Variants in TMEM234 observed in about 807,000 individuals in gnomAD.
The protein encoded by TMEM234 is chromosome 1 open reading frame 91.
Under a neutral mutation model 17.8 loss-of-function variants are expected in TMEM234, and 21 were observed. The observed-to-expected ratio is 1.18, with a 90% CI of 0.84 to 1.70. The LOEUF (loss-of-function observed/expected upper bound fraction) is 1.70. Among genes scored for constraint, TMEM234 ranks in the 40% most tolerant of loss-of-function variants. TMEM234 has a pLI of 0.00. For synonymous variants in TMEM234, 83 were observed against 73.5 expected (o/e 1.13, Z -0.66); for missense variants, 137 against 166.9 (o/e 0.82, Z 0.99).
At position 32,221,932 on chromosome 1, in the gene TMEM234, C is replaced by T; in HGVS notation, c.103G>A (p.Val35Ile). The T allele has an allele frequency of 6.2e-7, 1 of 1,612,242 alleles. No homozygotes were observed. The highest frequency in any genetic ancestry group is 8.5e-7 in the Non-Finnish European group (1 of 1,179,990). The part of the protein sequence containing the change: ...LKRASAGLQR[V>I]HEPTWAQQLL... ...TGCTGGGCCCAGGTCGGCTCATGAA[C>T]CCGCTGCAGGCCGGCGGAGGCCCGC... Residue 35 changes from valine (V) to isoleucine (I), a missense_variant, in exon 2 of 5, where the codon GTT becomes ATT. Val to Ile is a conservative substitution (Grantham distance 29). Transcript: ENST00000309777.
At position 32,220,991 on chromosome 1, in the gene TMEM234, G is replaced by C. The variant is rs1638848214; in HGVS notation, c.235+140C>G. 75 of 661,482 alleles carry C rather than the reference G, an allele frequency of 1.1e-4. 2 individuals carry two copies. The South Asian group carries it at 1.4e-3, about 12-fold the overall frequency. 41.0% of individuals were successfully genotyped at this position (661,482 alleles called of 1,614,324 possible). On this transcript the variant is annotated intron_variant, in intron 3 of 4. Transcript: ENST00000309777. ...CTGTGCCCCTCTTGTTCAGAGAAGA[G>C]GATAGTAAGAGGGAACTAGAGCTAG...
intron 3 of TMEM234, among the ~76,000 whole-genome samples, chr1:32,218,955 G>A (rs865784951): frequency 6.6e-6 from 1 of 151,464 alleles, no homozygotes; most frequent in East Asian, 1.9e-4. Context: ...AAAAACAAAA[G>A]AACAAAATTA....
chr1:32,220,560 T>C (rs924513276), intron 3 of TMEM234, among the ~76,000 whole-genome samples: 1 of 152,218 alleles, frequency 6.6e-6, no homozygotes, highest in Non-Finnish European at 1.5e-5. Flanking sequence ...CACAAAGTTT[T>C]GCAACTTCAT....
intron 2 of TMEM234, 73 bp downstream of exon 2, chr1:32,221,794 G>A (rs936002403): frequency 2.5e-6 from 4 of 1,591,720 alleles, no homozygotes; most frequent in Non-Finnish European, 8.6e-7. Context: ...GGCTGACCCA[G>A]ACCTGTTTGA....
intron 3 of TMEM234, among the ~76,000 whole-genome samples, chr1:32,219,178 C>G (rs942719893): frequency 2.6e-5 from 4 of 151,664 alleles, no homozygotes; most frequent in Admixed American, 6.6e-5. Context: ...GCTGAGTTAT[C>G]CATGGTAACA....
downstream of TMEM234, chr1:32,215,301 C>G: frequency 1.4e-6 from 1 of 732,090 alleles, no homozygotes; most frequent in Non-Finnish European, 2.2e-6. Flanking sequence ...CCACCTCTCA[C>G]TTCCTTGCCA....
chr1:32,215,397 C>T, downstream of TMEM234: 1 of 1,526,756 alleles, frequency 6.5e-7, no homozygotes, highest in Non-Finnish European at 9.0e-7. Context: ...ATGCTGAGGG[C>T]TCTTCAGCCT....
At chr1:32,220,589 CT>C (rs1351992101) in intron 3 of TMEM234, among the ~76,000 whole-genome samples, 3 of 152,174 alleles carry the variant, frequency 2.0e-5, no homozygotes, top group Non-Finnish European at 4.4e-5. Context: ...ATAATCATAT[CT>C]GCTTTACAGA....
intron 3 of TMEM234, among the ~76,000 whole-genome samples, 160 bp downstream of exon 3, chr1:32,220,971 C>T (rs925458439): frequency 6.6e-6 from 1 of 152,162 alleles, no homozygotes; most frequent in Non-Finnish European, 1.5e-5. Flanking sequence ...GCACACTGTG[C>T]CCCTCTTGTT....
downstream of TMEM234, chr1:32,215,474 G>A (rs369087066): frequency 1.2e-6 from 2 of 1,613,462 alleles, no homozygotes; most frequent in African/African-American, 1.3e-5. Context: ...CCCACCGAAG[G>A]AAGGAGACAG....
downstream of TMEM234, chr1:32,214,621 T>C: frequency 1.2e-6 from 1 of 838,638 alleles, no homozygotes; most frequent in Non-Finnish European, 1.8e-6. Flanking sequence ...TGTCCCTGGA[T>C]AAGTCAGGCT....
intron 3 of TMEM234, among the ~76,000 whole-genome samples, chr1:32,217,731 T>C (rs1638534180): frequency 6.6e-6 from 1 of 152,200 alleles, no homozygotes; most frequent in Non-Finnish European, 1.5e-5. Flanking sequence ...GCACATACCA[T>C]GGCCTAGGTG....
At chr1:32,214,992 G>A, downstream of TMEM234, 1 of 1,601,034 alleles carries the variant, frequency 6.2e-7, no homozygotes, top group South Asian at 1.1e-5. Flanking sequence ...ACATAGGTTG[G>A]TCCCTGCTGT....
At chr1:32,221,784 G>C (rs1253143694) in intron 2 of TMEM234, 83 bp downstream of exon 2, 1 of 1,567,608 alleles carries the variant, frequency 6.4e-7, no homozygotes, top group Non-Finnish European at 8.7e-7. Context: ...TAAGTGGTGG[G>C]GCTGACCCAG....
downstream of TMEM234, chr1:32,215,830 T>C (rs1436897537): frequency 3.2e-6 from 5 of 1,553,012 alleles, no homozygotes; most frequent in African/African-American, 1.4e-5. Context: ...GAAGAGGCCT[T>C]GTCCCTGGAA....
In TMEM234 at chr1:32,216,915, C is replaced by T. The variant is rs373219003; in HGVS notation, c.361G>A (p.Gly121Arg). The T allele has an allele frequency of 3.1e-6, 5 of 1,614,070 alleles. No individual in the cohort carries two copies. In the African/African-American group the frequency reaches 5.3e-5, roughly 17 times the overall value. ...GAGCTTGTGATGCAGAGTGAAATTC[C>T]TATCACGGTGAGCACCATGCCAGCA... ...AVAGMVLTVI[G>R]ISLCITSSVS... Residue 121 changes from glycine (G) to arginine (R), a missense_variant, in exon 5 of 5, where the codon GGA (glycine) becomes AGA (arginine). Physicochemically the swap from Gly to Arg is moderately radical, Grantham distance 125 (BLOSUM62 -2). Transcript: ENST00000309777.
rs1219058854 is a variant in TMEM234 at position 32,216,477 on chromosome 1, T to C, written c.*376A>G. ...GCATTTCTGGCTCAAAGTCTGCAGC[T>C]GGCCCTTTCCATGCAGCTGGAGTTC... On this transcript the variant is annotated 3_prime_UTR_variant, in exon 5 of 5. Coordinates refer to ENST00000309777, the MANE Select transcript of TMEM234 (RefSeq NM_019118.5). 1.9e-6 allele frequency: 3 copies of C among 1,551,650 alleles called. No individual in the cohort carries two copies. The highest frequency in any genetic ancestry group is 1.4e-5 in the African/African-American group (1 of 73,060).
chr1:32,215,923 G>A, downstream of TMEM234: 5 of 1,527,356 alleles, frequency 3.3e-6, no homozygotes, highest in East Asian at 2.5e-5. Flanking sequence ...GAGGGCAACT[G>A]GGGACCACTA....
rs781164043 is a variant in TMEM234, at chr1:32,216,825, A to C, written c.*28T>G. 14 of 1,612,964 alleles carry C rather than the reference A, an allele frequency of 8.7e-6. No individual in the cohort carries two copies. Among genetic ancestry groups the C allele is most frequent in the Non-Finnish European group, 1.1e-5 (13 of 1,179,670 alleles). Reference sequence around the variant, plus strand: ...CATGGCCCAGGGGCTTCCTGGAGGCAGCAGAGCTGGAAGTGGGTTCGGCCC... The same window carrying C: ...CATGGCCCAGGGGCTTCCTGGAGGCCGCAGAGCTGGAAGTGGGTTCGGCCC... On this transcript the variant is annotated 3_prime_UTR_variant, in exon 5 of 5. Coordinates refer to ENST00000309777, the MANE Select transcript of TMEM234 (RefSeq NM_019118.5).
Sources: gnomAD v4.1 joint callset for allele counts (sites outside exome capture counted in the v4.1 genomes callset) on GRCh38, gnomAD v4.1.1 for gene constraint, MANE v1.5 for transcripts, NCBI Gene and HGNC (gene_info 2026-07-23, HGNC 2026-07-21) for gene names.